The following ZNF385D variants were observed in gnomAD, a reference collection of about 807,000 sequenced individuals.
ZNF385D encodes zinc finger protein 659.
ZNF385D carries 15 observed loss-of-function variants against 35.8 expected under a neutral mutation model. The ratio of observed to expected loss-of-function variants is 0.42; its 90% CI spans 0.28 to 0.64. ZNF385D has a LOEUF of 0.64. Among genes scored for constraint, ZNF385D ranks in the 30% least tolerant of loss-of-function variants. The pLI is 0.23. For synonymous variants in ZNF385D, 212 were observed against 186.8 expected (o/e 1.13, Z -1.10); for missense variants, 474 against 494.6 (o/e 0.96, Z 0.39).
At chr3:22,286,208 A>G (rs1051383931) in intron 2 of ZNF385D, among the ~76,000 whole-genome samples, 1 of 152,130 alleles carries the variant, frequency 6.6e-6, no homozygotes, top group African/African-American at 2.4e-5. Flanking sequence ...TTTAAATAAG[A>G]TAATTAATAT....
chr3:22,181,028 T>C (rs1357435022), intron 2 of ZNF385D, among the ~76,000 whole-genome samples: 2 of 151,434 alleles, frequency 1.3e-5, no homozygotes, highest in Admixed American at 1.3e-4. Flanking sequence ...AAATATATTT[T>C]AATACTTTGG....
At chr3:22,319,220 A>G (rs1428335190) in intron 2 of ZNF385D, among the ~76,000 whole-genome samples, 1 of 152,138 alleles carries the variant, frequency 6.6e-6, no homozygotes, top group African/African-American at 2.4e-5. Flanking sequence ...TGTGTACAGA[A>G]CTTCACAAAT....
intron 2 of ZNF385D, among the ~76,000 whole-genome samples, chr3:22,360,253 A>G (rs1252074034): frequency 2.0e-5 from 3 of 151,988 alleles, no homozygotes; most frequent in African/African-American, 7.2e-5. Flanking sequence ...TGTGCCTGGT[A>G]CTTACGTTCT....
At chr3:22,159,960 C>T (rs926009101) in intron 3 of ZNF385D, among the ~76,000 whole-genome samples, 5 of 151,770 alleles carry the variant, frequency 3.3e-5, no homozygotes, top group African/African-American at 4.8e-5. Flanking sequence ...AATTGTAATC[C>T]CCATAATCTT....
chr3:21,809,284 A>G (rs2072798012), intron 3 of ZNF385D, among the ~76,000 whole-genome samples: 2 of 152,170 alleles, frequency 1.3e-5, no homozygotes. Flanking sequence ...GGAGCTTTCA[A>G]GAATGGAAAA....
chr3:21,609,824 C>T (rs574637830), intron 2 of ZNF385D, among the ~76,000 whole-genome samples: 25 of 152,116 alleles, frequency 1.6e-4, no homozygotes, highest in African/African-American at 5.3e-4. Flanking sequence ...TCTAAAGCCA[C>T]GCAAAGATAA....
intron 1 of ZNF385D, among the ~76,000 whole-genome samples, chr3:21,725,135 G>A (rs539133585): frequency 1.3e-5 from 2 of 152,200 alleles, no homozygotes; most frequent in African/African-American, 4.8e-5. Flanking sequence ...TGAAACCAAA[G>A]AGAACAAAGA....
At chr3:22,100,461 A>G (rs1233633258) in intron 3 of ZNF385D, among the ~76,000 whole-genome samples, 1 of 151,768 alleles carries the variant, frequency 6.6e-6, no homozygotes, top group Admixed American at 6.6e-5. Context: ...AGACTGGATT[A>G]AGAAAATGTG....
chr3:21,578,223 A>ATT (rs1254515443), intron 2 of ZNF385D, among the ~76,000 whole-genome samples: 1 of 152,150 alleles, frequency 6.6e-6, no homozygotes, highest in Non-Finnish European at 1.5e-5. Flanking sequence ...TATTACGGAT[A>ATT]TTAATCCCTT....
chr3:22,164,562 A>G (rs1164485016), intron 3 of ZNF385D, among the ~76,000 whole-genome samples: 3 of 151,924 alleles, frequency 2.0e-5, no homozygotes, highest in Non-Finnish European at 4.4e-5. Context: ...TGAGAAAGAA[A>G]AAAGGGCAGA....
At chr3:22,309,715 A>G (rs1349031576) in intron 2 of ZNF385D, among the ~76,000 whole-genome samples, 3 of 151,934 alleles carry the variant, frequency 2.0e-5, no homozygotes, top group African/African-American at 7.2e-5. Context: ...TTTTTGGTAA[A>G]TCTCAAGGGT....
chr3:22,168,279 C>T (rs1242330728), intron 3 of ZNF385D, among the ~76,000 whole-genome samples: 2 of 152,076 alleles, frequency 1.3e-5, no homozygotes, highest in African/African-American at 4.8e-5. Context: ...TCTATTCACT[C>T]ATAAATTCAA....
rs559629683 is a variant in ZNF385D, at chr3:21,926,441, A to G, written c.325+242376T>C. Among the ~76,000 whole-genome samples the G allele has an allele frequency of 6.6e-5, 10 of 152,238 alleles. No homozygotes were observed. In the South Asian group the frequency reaches 8.3e-4, roughly 13 times the overall value. On this transcript the variant is annotated intron_variant, in intron 3 of 5. Coordinates refer to the ZNF385D transcript ENST00000494108. ...AGAATGATGGTTTCCAGCTTAATCC[A>G]TGTCCCTGCAAAGGACACGAACTCA...
rs749781424 is a variant in ZNF385D, at chr3:22,201,327, A to G, written c.107-32292T>C. On this transcript the variant is annotated intron_variant, in intron 2 of 5. Transcript: ENST00000494108. ...AAAGTCAACTGAGAGAAAATTAAAT[A>G]AATAATATCTAAACACTGTTTTCCA... Among the ~76,000 whole-genome samples, 122 of 152,128 alleles carry G rather than the reference A, an allele frequency of 8.0e-4. 2 individuals carry two copies. Among genetic ancestry groups the G allele is most frequent in the Admixed American group, 5.2e-4 (8 of 15,240 alleles).
intron 3 of ZNF385D, among the ~76,000 whole-genome samples, chr3:21,917,077 T>C (rs1700224504): frequency 3.3e-5 from 5 of 152,154 alleles, no homozygotes; most frequent in Admixed American, 2.6e-4. Context: ...TTAAATAGAG[T>C]CCATTAAAGA....
chr3:21,943,012 T>A (rs146345206), intron 3 of ZNF385D, among the ~76,000 whole-genome samples: 1 of 152,270 alleles, frequency 6.6e-6, no homozygotes, highest in East Asian at 1.9e-4. Context: ...AACTTATAAA[T>A]GTAATATTAC....
chr3:22,221,383 A>AC (rs1011630091), intron 2 of ZNF385D, among the ~76,000 whole-genome samples: 9 of 152,006 alleles, frequency 5.9e-5, no homozygotes, highest in Admixed American at 2.0e-4. Context: ...TTGCATATAT[A>AC]CCCCCCCACC....
chr3:21,953,711 A>T (rs1470324327), intron 3 of ZNF385D, among the ~76,000 whole-genome samples: 1 of 152,080 alleles, frequency 6.6e-6, no homozygotes, highest in Non-Finnish European at 1.5e-5. Context: ...ATAACCAGCC[A>T]TCCATTTTTT....
intron 3 of ZNF385D, among the ~76,000 whole-genome samples, chr3:21,826,360 C>A (rs1694626747): frequency 6.6e-6 from 1 of 152,144 alleles, no homozygotes; most frequent in Admixed American, 6.5e-5. Flanking sequence ...ACGTTTCCAG[C>A]ACAGTGGCCC....
Sources: allele counts gnomAD v4.1 joint callset (sites outside exome capture counted in the v4.1 genomes callset), GRCh38; gene constraint gnomAD v4.1.1; transcripts MANE v1.5; gene names NCBI Gene and HGNC (gene_info 2026-07-23, HGNC 2026-07-21).